NTM: variants seen among roughly 807,000 people sequenced by gnomAD.
NTM encodes the protein neurotrimin.
NTM carries 13 observed loss-of-function variants against 42.1 expected under a neutral mutation model. The observed-to-expected ratio is 0.31, with a 90% CI of 0.20 to 0.49. NTM has a LOEUF of 0.49. NTM is among the 20% of genes least tolerant of loss of function. The probability of loss-of-function intolerance (pLI) is 0.99; values close to 1 mark genes in which losing one functional copy is unlikely to be tolerated. For missense variants in NTM, 373 were observed against 452.8 expected, an observed-to-expected ratio of 0.82 and a Z score of 1.60; for synonymous variants, 187 against 179.2, an observed-to-expected ratio of 1.04 and a Z score of -0.35.
At chr11:131,935,747 T>C (rs1029917486) in intron 2 of NTM, among the ~76,000 whole-genome samples, 3 of 152,320 alleles carry the variant, frequency 2.0e-5, no homozygotes, top group Admixed American at 6.5e-5. Flanking sequence ...CCTCTTTCAC[T>C]AGTCTCCTTA....
At chr11:132,323,332 G>A (rs1371366106) in intron 7 of NTM, among the ~76,000 whole-genome samples, 1 of 152,012 alleles carries the variant, frequency 6.6e-6, no homozygotes, top group African/African-American at 2.4e-5. Flanking sequence ...AATAAAAAAT[G>A]ATAAAGGGGA....
At chr11:131,864,161 A>G (rs1220249270) in intron 1 of NTM, among the ~76,000 whole-genome samples, 3 of 152,182 alleles carry the variant, frequency 2.0e-5, no homozygotes, top group Non-Finnish European at 4.4e-5. Context: ...CTAATTTAGG[A>G]TGTTATATAT....
chr11:132,250,694 C>G (rs923136718), intron 4 of NTM, among the ~76,000 whole-genome samples: 3 of 149,282 alleles, frequency 2.0e-5, no homozygotes, highest in Non-Finnish European at 3.0e-5. Context: ...TTTAATTTTT[C>G]TTTTCTAGAA....
intron 1 of NTM, among the ~76,000 whole-genome samples, chr11:131,457,331 AAGG>A (rs1950981499): frequency 6.6e-6 from 1 of 152,146 alleles, no homozygotes; most frequent in Admixed American, 6.5e-5. Flanking sequence ...GATGGCCAGA[AAGG>A]AGGCCCCCTG....
At chr11:131,424,686 A>G (rs1343851101) in intron 1 of NTM, among the ~76,000 whole-genome samples, 1 of 131,194 alleles carries the variant, frequency 7.6e-6, no homozygotes. Flanking sequence ...TCAGCCTCCA[A>G]GTAGCTGGGA....
At position 131,859,341 on chromosome 11, in the gene NTM, G is replaced by A. The variant is rs188274237; in HGVS notation, c.83-52223G>A. 2.8e-3 allele frequency among the ~76,000 whole-genome samples: 427 copies of A among 152,240 alleles called. 1 individual carries two copies. Among genetic ancestry groups the A allele is most frequent in the Middle Eastern group, 0.017 (5 of 294 alleles). On this transcript the variant is annotated intron_variant, in intron 1 of 8. Transcript: ENST00000683400. ...TCTTATTTCTTAAAACTGTATAGAGGACTGAAAATCTGGAGCTAATAAAGA... is the reference window on the plus strand; with the variant it reads ...TCTTATTTCTTAAAACTGTATAGAGAACTGAAAATCTGGAGCTAATAAAGA...
chr11:131,775,895 G>T (rs142479276), intron 1 of NTM, among the ~76,000 whole-genome samples: 1 of 152,272 alleles, frequency 6.6e-6, no homozygotes, highest in African/African-American at 2.4e-5. Flanking sequence ...CATAATAAGT[G>T]ACTATTTGGG....
chr11:131,873,563 G>A (rs570928313), intron 1 of NTM, among the ~76,000 whole-genome samples: 14 of 32,180 alleles, frequency 4.4e-4, no homozygotes, highest in African/African-American at 9.6e-4. Flanking sequence ...TATATATACC[G>A]TATATATATA....
intron 1 of NTM, among the ~76,000 whole-genome samples, chr11:131,574,733 C>T (rs1036073221): frequency 3.0e-4 from 46 of 152,212 alleles, no homozygotes; most frequent in African/African-American, 1.0e-3. Context: ...TGGCCTACAC[C>T]TTGTAAAGGA....
chr11:132,149,231 C>CAAAAAAAAA (rs59485155), intron 3 of NTM, among the ~76,000 whole-genome samples: 30,548 of 120,800 alleles, frequency 0.25, 4,031 homozygotes, highest in Non-Finnish European at 0.31. Context: ...TCCTGGATTA[C>CAAAAAAAAA]AAAAAAAAAA....
intron 2 of NTM, among the ~76,000 whole-genome samples, chr11:131,985,623 G>C (rs189579665): frequency 4.3e-4 from 65 of 152,264 alleles, no homozygotes; most frequent in African/African-American, 1.5e-3. Context: ...ACATCTTCCT[G>C]GGGTAAGGGG....
intron 1 of NTM, among the ~76,000 whole-genome samples, chr11:131,521,316 GAAATAAATAAATAAAT>G (rs201311970): frequency 0.12 from 13,111 of 109,494 alleles, 958 homozygotes; most frequent in East Asian, 0.26. Context: ...CTCCATCTCA[GAAATAAATAAATAAAT>G]AAATAAATAA....
At chr11:131,602,685 G>A (rs1359130112) in intron 1 of NTM, among the ~76,000 whole-genome samples, 1 of 152,068 alleles carries the variant, frequency 6.6e-6, no homozygotes, top group Non-Finnish European at 1.5e-5. Context: ...ACATCCATCT[G>A]TCTACTTGAC....
intron 2 of NTM, among the ~76,000 whole-genome samples, chr11:131,952,293 A>T (rs559086235): frequency 6.6e-6 from 1 of 152,340 alleles, no homozygotes; most frequent in South Asian, 2.1e-4. Context: ...AGATGTATGC[A>T]TATGACCCTT....
intron 1 of NTM, among the ~76,000 whole-genome samples, chr11:131,541,563 C>T (rs1466751522): frequency 2.0e-5 from 3 of 151,684 alleles, no homozygotes; most frequent in South Asian, 2.1e-4. Flanking sequence ...CCAGTCAATT[C>T]GTGTGTGAAT....
intron 1 of NTM, among the ~76,000 whole-genome samples, chr11:131,382,177 G>A (rs1039331076): frequency 6.6e-6 from 1 of 152,140 alleles, no homozygotes; most frequent in Admixed American, 6.5e-5. Flanking sequence ...AGATGACTGG[G>A]TACAGTGTGG....
intron 1 of NTM, among the ~76,000 whole-genome samples, chr11:131,766,411 G>A (rs1591691690): frequency 6.6e-6 from 1 of 152,142 alleles, no homozygotes; most frequent in Admixed American, 6.5e-5. Flanking sequence ...AGGGCGATGC[G>A]ACAGAATGGC....
chr11:131,759,546 T>C (rs1425380306), intron 1 of NTM, among the ~76,000 whole-genome samples: 2 of 152,116 alleles, frequency 1.3e-5, no homozygotes, highest in East Asian at 3.8e-4. Context: ...GAGAACACAC[T>C]AATATTTGTA....
intron 2 of NTM, among the ~76,000 whole-genome samples, chr11:132,123,718 G>A (rs763101191): frequency 6.6e-6 from 1 of 152,196 alleles, no homozygotes; most frequent in African/African-American, 2.4e-5. Flanking sequence ...AGAATGGACC[G>A]TGTGCTAAAG....
Sources: allele counts gnomAD v4.1 joint callset (sites outside exome capture counted in the v4.1 genomes callset), GRCh38; gene constraint gnomAD v4.1.1; transcripts MANE v1.5; gene names NCBI Gene and HGNC (gene_info 2026-07-23, HGNC 2026-07-21).